Variants in ROBO1 observed in about 807,000 individuals in gnomAD.
The protein encoded by ROBO1 is roundabout homolog 1.
Under a neutral mutation model 195.9 loss-of-function variants are expected in ROBO1, and 149 were observed. The observed-to-expected ratio is 0.76, with a 90% CI of 0.67 to 0.87. ROBO1 has a LOEUF of 0.87. Ranked by LOEUF, ROBO1 falls within the 40% of genes least tolerant of loss-of-function variation. The pLI, the probability that ROBO1 is intolerant of heterozygous loss-of-function variation, is 0.00. For missense variants in ROBO1, 1,933 were observed against 2,068.3 expected, an observed-to-expected ratio of 0.93 and a Z score of 1.27; for synonymous variants, 816 against 733.2, an observed-to-expected ratio of 1.11 and a Z score of -1.82.
chr3:78,762,604 GTTCTCCAGGTCAGAAC>G, intron 4 of ROBO1, among the ~76,000 whole-genome samples: 1 of 151,884 alleles, frequency 6.6e-6, no homozygotes, highest in Non-Finnish European at 1.5e-5. Context: ...TTTTTCTTTT[GTTCTCCAGGTCAGAAC>G]TATAGAGAAA....
intron 4 of ROBO1, among the ~76,000 whole-genome samples, chr3:78,866,667 G>T (rs903205200): frequency 3.9e-5 from 6 of 152,132 alleles, no homozygotes; most frequent in African/African-American, 1.4e-4. Context: ...GGGAATCTCT[G>T]AACTCTTATA....
intron 3 of ROBO1, among the ~76,000 whole-genome samples, chr3:79,036,302 A>G (rs1455328216): frequency 6.6e-6 from 1 of 152,030 alleles, no homozygotes; most frequent in South Asian, 2.1e-4. Flanking sequence ...ATTTGGATGA[A>G]TTTTGCCTTA....
chr3:79,739,075 G>T (rs1488417095), intron 1 of ROBO1, among the ~76,000 whole-genome samples: 1 of 152,184 alleles, frequency 6.6e-6, no homozygotes, highest in Admixed American at 6.5e-5. Flanking sequence ...TTTAGGAAAA[G>T]AAATGAATGC....
At chr3:79,180,406 A>C (rs988643966) in intron 2 of ROBO1, among the ~76,000 whole-genome samples, 1 of 152,154 alleles carries the variant, frequency 6.6e-6, no homozygotes, top group Admixed American at 6.6e-5. Flanking sequence ...AGGAGAAATA[A>C]ATTTTTTAAA....
intron 4 of ROBO1, among the ~76,000 whole-genome samples, chr3:78,869,077 C>T (rs765431372): frequency 4.6e-5 from 7 of 151,946 alleles, no homozygotes; most frequent in Non-Finnish European, 1.0e-4. Context: ...TAACTTGGGA[C>T]AAATAAGCAT....
At chr3:78,720,381 AAACCACAATG>A (rs2082012018) in intron 5 of ROBO1, among the ~76,000 whole-genome samples, 1 of 152,226 alleles carries the variant, frequency 6.6e-6, no homozygotes, top group African/African-American at 2.4e-5. Flanking sequence ...ATGCAAATCC[AAACCACAATG>A]AGATACCATC....
intron 4 of ROBO1, among the ~76,000 whole-genome samples, chr3:78,918,003 A>G (rs980788167): frequency 1.8e-4 from 27 of 152,214 alleles, no homozygotes; most frequent in African/African-American, 6.5e-4. Context: ...TTCTTTAAGT[A>G]TGTAGCCCAG....
chr3:79,396,872 A>T (rs2037175054), intron 2 of ROBO1, among the ~76,000 whole-genome samples: 2 of 152,122 alleles, frequency 1.3e-5, no homozygotes, highest in Admixed American at 1.3e-4. Flanking sequence ...AAATTTAAAA[A>T]CTTTGCCTTT....
In ROBO1 at chr3:79,760,409, A is replaced by G. The variant is rs931043057; in HGVS notation, c.-51+7343T>C. On this transcript the variant is annotated intron_variant, in intron 1 of 30. Transcript: ENST00000464233. ...ATTTTAACAAAGCACAGTGTATATC[A>G]TATTTGAAAAAACGATACAAAATTA... Among the ~76,000 whole-genome samples the G allele has an allele frequency of 2.7e-5, 4 of 150,672 alleles. No homozygotes were observed. The South Asian group carries it at 8.3e-4, about 31-fold the overall frequency.
At chr3:79,324,445 C>T (rs1256764844) in intron 2 of ROBO1, among the ~76,000 whole-genome samples, 3 of 152,104 alleles carry the variant, frequency 2.0e-5, no homozygotes, top group Admixed American at 6.5e-5. Flanking sequence ...ACCGTAGGAT[C>T]TCTAAATTAT....
At chr3:79,171,847 T>C (rs2081172725) in intron 2 of ROBO1, among the ~76,000 whole-genome samples, 1 of 152,154 alleles carries the variant, frequency 6.6e-6, no homozygotes, top group Admixed American at 6.5e-5. Flanking sequence ...TTATGATATG[T>C]AACATTATTA....
chr3:78,717,405 A>T lies in ROBO1; in HGVS notation c.787T>A (p.Ser263Thr), dbSNP rs1227896308. The part of the protein sequence containing the change: ...VAELTVLERP[S>T]FVKRPSNLAV... ...AAGTTACTGGGTCTCTTCACAAATG[A>T]TGGTCTCTCTAAAATTAAAAAGAGT... The change falls in exon 7 of 31, where the codon TCA becomes ACA. Residue 263 changes from serine to threonine, a missense_variant. Physicochemically the swap from Ser to Thr is moderately conservative, Grantham distance 58. Around this residue, in one of 3 missense-constraint regions of ROBO1, gnomAD observed 1,737 missense variants for 1,882.5 expected, o/e 0.92. Coordinates refer to ENST00000464233, the MANE Select transcript of ROBO1 (RefSeq NM_002941.4). 1 of 1,613,686 alleles carries T rather than the reference A, an allele frequency of 6.2e-7. No homozygotes were observed. Among genetic ancestry groups the T allele is most frequent in the Non-Finnish European group, 8.5e-7 (1 of 1,179,674 alleles).
intron 2 of ROBO1, among the ~76,000 whole-genome samples, chr3:79,492,159 T>C (rs1266225453): frequency 6.6e-6 from 1 of 152,102 alleles, no homozygotes; most frequent in Admixed American, 6.5e-5. Flanking sequence ...GCACGGTGGC[T>C]CACGCCTGTA....
intron 2 of ROBO1, among the ~76,000 whole-genome samples, chr3:79,467,569 TG>T (rs1471873353): frequency 6.6e-6 from 1 of 151,862 alleles, no homozygotes; most frequent in African/African-American, 2.4e-5. Context: ...AGATTGGCTG[TG>T]GGACAGCCGA....
intron 17 of ROBO1, among the ~76,000 whole-genome samples, chr3:78,658,870 A>G (rs564440086): frequency 1.2e-4 from 19 of 152,260 alleles, no homozygotes; most frequent in African/African-American, 3.4e-4. Flanking sequence ...GCTGAACCAA[A>G]GCCACAAACT....
intron 1 of ROBO1, among the ~76,000 whole-genome samples, chr3:79,758,323 T>G (rs1330025619): frequency 6.6e-6 from 1 of 152,164 alleles, no homozygotes; most frequent in Non-Finnish European, 1.5e-5. Context: ...TAAATTTAAT[T>G]TAAAAATCAG....
chr3:78,621,750 T>G (rs1704468895), intron 26 of ROBO1, among the ~76,000 whole-genome samples: 1 of 152,182 alleles, frequency 6.6e-6, no homozygotes. Context: ...TGACTGTGTA[T>G]CGCAACACTC....
chr3:79,454,447 G>T (rs1035608925), intron 2 of ROBO1, among the ~76,000 whole-genome samples: 1 of 151,944 alleles, frequency 6.6e-6, no homozygotes, highest in Non-Finnish European at 1.5e-5. Flanking sequence ...GTAAACTGAA[G>T]AAAAACATAA....
rs780055744 is a variant in ROBO1 at position 78,668,566 on chromosome 3, CT to C, written c.1549-2del. 6.2e-7 allele frequency: 1 copy of C among 1,611,960 alleles called. No homozygotes were observed. The highest frequency in any genetic ancestry group is 1.7e-5 in the Admixed American group (1 of 59,728). ...AGGTGTACCGACCAGTATCACCCAG[CT>C]GAGAAGGCAGACAAAAAATAAATAT... On this transcript the variant is annotated splice_acceptor_variant, in intron 11 of 30. Coordinates refer to ENST00000464233, the MANE Select transcript of ROBO1 (RefSeq NM_002941.4). LOFTEE classifies it high-confidence loss of function.
Sources: gnomAD v4.1 joint callset for allele counts (sites outside exome capture counted in the v4.1 genomes callset) on GRCh38, gnomAD v4.1.1 for gene constraint, gnomAD v4.1.1 regional missense constraint, MANE v1.5 for transcripts, NCBI Gene and HGNC (gene_info 2026-07-23, HGNC 2026-07-21) for gene names.